HUWE1: variants seen among roughly 807,000 people sequenced by gnomAD.
HUWE1 encodes the protein HECT, UBA and WWE domain containing E3 ubiquitin protein ligase 1.
In HUWE1, 18 loss-of-function variants were observed where a neutral mutation model predicts 299.4. The ratio of observed to expected loss-of-function variants is 0.06; its 90% CI spans 0.04 to 0.09. The LOEUF (loss-of-function observed/expected upper bound fraction) is 0.09. Among genes scored for constraint, HUWE1 ranks in the 10% least tolerant of loss-of-function variants. The pLI is 1.00. For synonymous variants in HUWE1, 1,317 were observed against 1,286.1 expected, an observed-to-expected ratio of 1.02 and a Z score of -0.51; for missense variants, 1,832 against 3,462.3, an observed-to-expected ratio of 0.53 and a Z score of 11.82.
chrX:53,625,732 A>G lies in HUWE1; in HGVS notation c.1490-474T>C, dbSNP rs1472404287. On this transcript the variant is annotated intron_variant, in intron 17 of 83. Coordinates refer to ENST00000262854, the MANE Select transcript of HUWE1 (RefSeq NM_031407.7). ...GTTCTGCCTAAAGCCGCCTTCTTCAATAGTTTAATAACTCTACCACTCTGA... is the reference window on the plus strand; with the variant it reads ...GTTCTGCCTAAAGCCGCCTTCTTCAGTAGTTTAATAACTCTACCACTCTGA... 2.1e-5 allele frequency: 3 copies of G among 139,549 alleles called. No homozygotes were observed. In the Admixed American group the frequency reaches 2.4e-4, roughly 11 times the overall value. 11.5% of individuals were successfully genotyped at this position (139,549 alleles called of 1,213,427 possible).
chrX:53,664,716 T>C (rs1557046844), intron 3 of HUWE1, among the ~76,000 whole-genome samples: 1 of 111,985 alleles, frequency 8.9e-6, no homozygotes, highest in Non-Finnish European at 1.9e-5. Flanking sequence ...TTTTGCCTTA[T>C]AGTCTCTGAA....
At chrX:53,684,050 C>G (rs1481589702) in intron 2 of HUWE1, 2 of 287,523 alleles carry the variant, frequency 7.0e-6, no homozygotes, top group Non-Finnish European at 6.1e-6. Context: ...CGGGAAAAGC[C>G]TGAGCCCAGC....
intron 49 of HUWE1, 88 bp downstream of exon 49, chrX:53,568,604 A>T: frequency 1.7e-5 from 16 of 926,012 alleles, no homozygotes; most frequent in Non-Finnish European, 2.4e-5. Context: ...TTGTACCCAA[A>T]GTTTTCCCAC....
chrX:53,612,175 T>C (rs1269655403), intron 23 of HUWE1, among the ~76,000 whole-genome samples: 2 of 112,030 alleles, frequency 1.8e-5, no homozygotes, highest in Non-Finnish European at 3.8e-5. Flanking sequence ...TCTCTTGCTT[T>C]TTCTTCCTTC....
rs781808472 is a variant in HUWE1 at position 53,617,161 on chromosome X, A to G, written c.1780-14T>C. Reference sequence around the variant, plus strand: ...GGTAGCAGGAACCTAAAGAGAAAACAAAGTGAGCTTGAATGCATCTAAAAG... The same window carrying G: ...GGTAGCAGGAACCTAAAGAGAAAACGAAGTGAGCTTGAATGCATCTAAAAG... On this transcript the variant is annotated splice_polypyrimidine_tract_variant and intron_variant, in intron 20 of 83. Coordinates refer to ENST00000262854, the MANE Select transcript of HUWE1 (RefSeq NM_031407.7). The G allele has an allele frequency of 2.5e-6, 3 of 1,203,517 alleles. No individual in the cohort carries two copies. The highest frequency in any genetic ancestry group is 3.4e-6 in the Non-Finnish European group (3 of 888,806).
At chrX:53,550,565 T>C in intron 66 of HUWE1, 101 bp downstream of exon 66, 1 of 738,353 alleles carries the variant, frequency 1.4e-6, no homozygotes, top group Non-Finnish European at 2.1e-6. Context: ...AGACCATCCA[T>C]CCTGCCTGTC....
chrX:53,614,599 T>C lies in HUWE1; in HGVS notation c.2196A>G (p.Glu732=). 1 of 1,210,724 alleles carries C rather than the reference T, an allele frequency of 8.3e-7. No individual in the cohort carries two copies. Among genetic ancestry groups the C allele is most frequent in the East Asian group, 3.0e-5 (1 of 33,824 alleles). Residue 732 remains glutamate, a synonymous_variant, in exon 23 of 84, where the codon GAA becomes GAG. Transcript: ENST00000262854. The part of the protein sequence containing the change: ...AEEASSEDEE[E]EEVQAMQSFN... ...AGCTCTGCATGGCCTGTACTTCCTC[T>C]TCCTCCTCATCCTCACTAGAGGCTT...
chrX:53,647,339 C>G, intron 6 of HUWE1, 29 bp downstream of exon 6: 1 of 1,038,397 alleles, frequency 9.6e-7, no homozygotes, highest in South Asian at 1.9e-5. Flanking sequence ...TAGTCAAGAA[C>G]AGGGTACACA....
intron 49 of HUWE1, 102 bp downstream of exon 49, chrX:53,568,590 C>T: frequency 1.3e-6 from 1 of 746,506 alleles, no homozygotes; most frequent in Non-Finnish European, 2.0e-6. Context: ...CTTGGGTCTC[C>T]CACTTGTACC....
intron 3 of HUWE1, among the ~76,000 whole-genome samples, chrX:53,666,815 T>C (rs868987612): frequency 8.9e-6 from 1 of 112,129 alleles, no homozygotes. Flanking sequence ...CTGTATCATA[T>C]TTATCTTTGC....
At chrX:53,653,659 AAAACTAGTAAGAAAG>A (rs2068606795) in intron 4 of HUWE1, among the ~76,000 whole-genome samples, 1 of 112,768 alleles carries the variant, frequency 8.9e-6, no homozygotes, top group South Asian at 3.6e-4. Context: ...CCTTAACAAA[AAAACTAGTAAGAAAG>A]ATGTTACCAC....
intron 27 of HUWE1, among the ~76,000 whole-genome samples, 196 bp from the exon 28 acceptor site, chrX:53,602,854 CTT>C (rs781982959): frequency 6.2e-5 from 6 of 96,766 alleles, no homozygotes; most frequent in Non-Finnish European, 4.2e-5. Context: ...TTTTTTTTTT[CTT>C]TTTTTTTTTT....
rs782209422 is a variant in HUWE1 at position 53,646,985 on chromosome X, T to TA, written c.351+382dup. On this transcript the variant is annotated intron_variant, in intron 6 of 83. Transcript: ENST00000262854. ...GACTTTAAAGCAGCACACTAACACT[T>TA]AGAGGAGTAGTAAGTACATTAATGT... Among the ~76,000 whole-genome samples, 213 of 111,698 alleles carry TA rather than the reference T, an allele frequency of 1.9e-3. 1 individual carries two copies. Among genetic ancestry groups the TA allele is most frequent in the Non-Finnish European group, 3.5e-3 (187 of 53,107 alleles).
intron 16 of HUWE1, 45 bp from the exon 17 acceptor site, chrX:53,627,560 T>C (rs782121385): frequency 2.6e-6 from 2 of 758,083 alleles, no homozygotes; most frequent in Non-Finnish European, 3.7e-6. Flanking sequence ...TATATATATA[T>C]ATATTTTTTT....
At chrX:53,602,923 C>A (rs988534293) in intron 27 of HUWE1, among the ~76,000 whole-genome samples, 10 of 106,395 alleles carry the variant, frequency 9.4e-5, no homozygotes, top group African/African-American at 3.4e-4. Flanking sequence ...TGATCTTGGG[C>A]TCACTGCAAC....
chrX:53,544,947 A>T, intron 71 of HUWE1, 82 bp downstream of exon 71: 1 of 1,100,985 alleles, frequency 9.1e-7, no homozygotes, highest in Non-Finnish European at 1.3e-6. Flanking sequence ...CAGAGAAATA[A>T]AAAAGACCAG....
chrX:53,551,255 C>T lies in HUWE1; in HGVS notation c.9096+11G>A, dbSNP rs375112079. ...AGGCAGCCTGGCCCCACCACCTTCC[C>T]GCTCACATACTTCCTCCTGAATGGC... On this transcript the variant is annotated intron_variant, in intron 64 of 83. Transcript: ENST00000262854. 17 of 1,210,327 alleles carry T rather than the reference C, an allele frequency of 1.4e-5. No individual in the cohort carries two copies. Among genetic ancestry groups the T allele is most frequent in the Non-Finnish European group, 1.9e-5 (17 of 894,618 alleles).
rs374093772 is a variant in HUWE1 at position 53,617,288 on chromosome X, T to C, written c.1779+52A>G. On this transcript the variant is annotated intron_variant, in intron 20 of 83. Transcript: ENST00000262854. ...GATTCAACACTACACACAGAAGAGA[T>C]AGGATTTTCACGCCCTAAGACATTC... 1.6e-5 allele frequency: 16 copies of C among 998,608 alleles called. No homozygotes were observed. The African/African-American group carries it at 1.7e-4, about 11-fold the overall frequency. The allele number at this position is 998,608 out of a possible 1,213,427, so 82.3% of individuals were successfully genotyped here.
At chrX:53,588,259 G>A (rs781830210) in intron 37 of HUWE1, 123 bp downstream of exon 37, 4 of 661,372 alleles carry the variant, frequency 6.0e-6, no homozygotes, top group African/African-American at 2.2e-5. Context: ...CAGAAACTGG[G>A]CTCATGAAAT....
Sources: allele counts gnomAD v4.1 joint callset (sites outside exome capture counted in the v4.1 genomes callset), GRCh38; gene constraint gnomAD v4.1.1; transcripts MANE v1.5; gene names NCBI Gene and HGNC (gene_info 2026-07-23, HGNC 2026-07-21).